The following DHX36 variants were observed in gnomAD, a reference collection of about 807,000 sequenced individuals.
The protein encoded by DHX36 is ATP-dependent DNA/RNA helicase DHX36.
A neutral mutation model predicts 139.0 loss-of-function variants in DHX36; 50 were observed. The observed-to-expected ratio is 0.36, with a 90% CI of 0.29 to 0.46. The LOEUF (loss-of-function observed/expected upper bound fraction) is 0.46, where lower values mean the gene tolerates loss of function less well. DHX36 is among the 20% of genes least tolerant of loss of function. The pLI is 1.00. For synonymous variants in DHX36, 425 were observed against 401.9 expected, an observed-to-expected ratio of 1.06 and a Z score of -0.69; for missense variants, 1,024 against 1,211.3, an observed-to-expected ratio of 0.85 and a Z score of 2.29.
At chr3:154,307,078 A>G (rs138657700) in intron 5 of DHX36, among the ~76,000 whole-genome samples, 321 of 152,268 alleles carry the variant, frequency 2.1e-3, no homozygotes, top group Non-Finnish European at 3.7e-3. Context: ...TTATGACAAA[A>G]GTGGTTTATT....
chr3:154,287,756 G>A (rs951499331), intron 17 of DHX36, among the ~76,000 whole-genome samples: 19 of 152,054 alleles, frequency 1.2e-4, no homozygotes, highest in South Asian at 4.2e-4. Context: ...AATAAAAAGC[G>A]CAGATCAAGA....
In DHX36 at chr3:154,324,482, C is replaced by T; in HGVS notation, c.-66G>A. The T allele has an allele frequency of 7.0e-7, 1 of 1,431,572 alleles. No homozygotes were observed. The allele number at this position is 1,431,572 out of a possible 1,614,324, so 88.7% of individuals were successfully genotyped here. A position where few individuals can be genotyped will look rare whatever the true frequency, so the allele number is the denominator to read the frequency against. Reference sequence around the variant, plus strand: ...GGAAATGGCGTCCGGGCCCGGAAGCCACTGTGCGCCCACTTCCGTTTTGCT... The same window carrying T: ...GGAAATGGCGTCCGGGCCCGGAAGCTACTGTGCGCCCACTTCCGTTTTGCT... On this transcript the variant is annotated 5_prime_UTR_variant, in exon 1 of 25. Coordinates refer to ENST00000496811, the MANE Select transcript of DHX36 (RefSeq NM_020865.3).
intron 12 of DHX36, among the ~76,000 whole-genome samples, chr3:154,297,009 A>T (rs2108348366): frequency 6.6e-6 from 1 of 152,356 alleles, no homozygotes; most frequent in South Asian, 2.1e-4. Flanking sequence ...GTAAGAGAGA[A>T]TCAAATGAAA....
At chr3:154,290,181 T>A (rs1711732562) in intron 15 of DHX36, among the ~76,000 whole-genome samples, 1 of 152,172 alleles carries the variant, frequency 6.6e-6, no homozygotes, top group Admixed American at 6.5e-5. Context: ...TTGTGATCAA[T>A]CTTATTATGT....
At position 154,324,421 on chromosome 3, in the gene DHX36, C is replaced by G; in HGVS notation, c.-5G>C. 1.2e-5 allele frequency: 18 copies of G among 1,503,162 alleles called. No homozygotes were observed. Among genetic ancestry groups the G allele is most frequent in the Non-Finnish European group, 1.5e-5 (17 of 1,126,246 alleles). 93.1% of individuals were successfully genotyped at this position (1,503,162 alleles called of 1,614,324 possible). A position where few individuals can be genotyped will look rare whatever the true frequency, so the allele number is the denominator to read the frequency against. On this transcript the variant is annotated 5_prime_UTR_variant, in exon 1 of 25. Transcript: ENST00000496811. ...CTGATGGTAGTCATAACTCATTGTC[C>G]TGGCAGACTACAACCCGTCAGAACC...
Position 154,309,814 on chromosome 3 carries a change from T to C in DHX36, c.652A>G (p.Asn218Asp), listed in dbSNP as rs760885157. The part of the protein sequence containing the change: ...PSYGMQKELV[N>D]LIDNHQVTVI... ...GTTACCTGATGGTTATCAATTAAAT[T>C]TACCAATTCCTATTTCAAAAGGGAA... is the stretch of plus-strand genomic sequence containing the variant. Residue 218 changes from asparagine (N) to aspartate (D), a missense_variant, in exon 5 of 25, where the codon AAT becomes GAT. This residue lies in a region of DHX36 where 293 missense variants were observed against 274.4 expected (regional missense o/e 1.07). Transcript: ENST00000496811. 16 of 1,594,436 alleles carry C rather than the reference T, an allele frequency of 1.0e-5. No homozygotes were observed. Among genetic ancestry groups the C allele is most frequent in the Non-Finnish European group, 1.3e-5 (15 of 1,172,138 alleles).
At chr3:154,292,021 C>T (rs1489745353) in intron 15 of DHX36, among the ~76,000 whole-genome samples, 3 of 152,180 alleles carry the variant, frequency 2.0e-5, no homozygotes, top group African/African-American at 7.2e-5. Flanking sequence ...CTATAAAATT[C>T]AGTGATTAGG....
chr3:154,290,167 T>C (rs1394926771), intron 15 of DHX36, among the ~76,000 whole-genome samples: 1 of 152,200 alleles, frequency 6.6e-6, no homozygotes, highest in Non-Finnish European at 1.5e-5. Context: ...ACGTCAAGTA[T>C]GCCTTGTGAT....
At position 154,293,829 on chromosome 3, in the gene DHX36, A is replaced by G. The variant is rs1711920756; in HGVS notation, c.1606-17T>C. ...TTTAAACACCTGTAAAAATAAATAC[A>G]TCAGAATCACAAAAGTACACTAACT... is the stretch of plus-strand genomic sequence containing the variant. On this transcript the variant is annotated splice_polypyrimidine_tract_variant and intron_variant, in intron 13 of 24. Transcript: ENST00000496811. 6 of 1,584,834 alleles carry G rather than the reference A, an allele frequency of 3.8e-6. No homozygotes were observed. The highest frequency in any genetic ancestry group is 1.7e-5 in the Admixed American group (1 of 59,702).
intron 17 of DHX36, among the ~76,000 whole-genome samples, chr3:154,286,110 T>G (rs1450192501): frequency 7.8e-6 from 1 of 128,258 alleles, no homozygotes; most frequent in Admixed American, 9.2e-5. Flanking sequence ...AAACTGATTA[T>G]CCATACAAGA....
intron 12 of DHX36, among the ~76,000 whole-genome samples, 161 bp from the exon 13 acceptor site, chr3:154,295,500 A>C (rs1712006346): frequency 1.3e-5 from 2 of 152,210 alleles, no homozygotes; most frequent in Non-Finnish European, 2.9e-5. Flanking sequence ...TGAGTTGACA[A>C]ACTGCCCATG....
intron 15 of DHX36, among the ~76,000 whole-genome samples, chr3:154,290,633 C>CAAAA (rs10706343): frequency 3.9e-5 from 3 of 77,428 alleles, no homozygotes; most frequent in Non-Finnish European, 5.0e-5. Context: ...GACTTCATCT[C>CAAAA]AAAAAAAAAA....
At chr3:154,284,437 T>A (rs569103967) in intron 19 of DHX36, 146 bp downstream of exon 19, 2 of 645,928 alleles carry the variant, frequency 3.1e-6, no homozygotes, top group Admixed American at 6.7e-5. Flanking sequence ...TGCCTCAGCC[T>A]CCCAAAGTGC....
Position 154,293,658 on chromosome 3 carries a change from G to A in DHX36, c.1670+90C>T, listed in dbSNP as rs1253079477. The A allele has an allele frequency of 2.6e-5, 24 of 932,818 alleles. No individual in the cohort carries two copies. In the Admixed American group the frequency reaches 3.4e-4, roughly 13 times the overall value. The allele number at this position is 932,818 out of a possible 1,614,324, so 57.8% of individuals were successfully genotyped here. Reference sequence around the variant, plus strand: ...ATTTTTAATAAATTACAAGGTATATGGTAGAGAAAAAAGATTAAGGTATAT... The same window carrying A: ...ATTTTTAATAAATTACAAGGTATATAGTAGAGAAAAAAGATTAAGGTATAT... On this transcript the variant is annotated intron_variant, in intron 14 of 24. Transcript: ENST00000496811.
At chr3:154,310,809 AT>A (rs61082187) in intron 4 of DHX36, among the ~76,000 whole-genome samples, 7 of 23,120 alleles carry the variant, frequency 3.0e-4, no homozygotes, top group South Asian at 3.2e-3. Flanking sequence ...AAAAAAAAAT[AT>A]ATATATATAT....
intron 17 of DHX36, among the ~76,000 whole-genome samples, chr3:154,288,291 G>T (rs1269110584): frequency 3.3e-5 from 5 of 151,780 alleles, no homozygotes; most frequent in African/African-American, 1.2e-4. Context: ...TTCTGTATGG[G>T]TTCATGTAAA....
At chr3:154,277,521 A>G in intron 23 of DHX36, 77 bp downstream of exon 23, 2 of 1,419,728 alleles carry the variant, frequency 1.4e-6, no homozygotes, top group Non-Finnish European at 1.9e-6. Context: ...TTTGTATATA[A>G]TTGTTAAAAC....
At chr3:154,312,151 A>G (rs1712784961) in intron 3 of DHX36, 1 of 152,238 alleles carries the variant, frequency 6.6e-6, no homozygotes, top group Admixed American at 6.5e-5. Context: ...GCAGTCAGAA[A>G]ATCTGGTACT....
chr3:154,303,496 T>C, intron 8 of DHX36, 86 bp from the exon 9 acceptor site: 1 of 938,772 alleles, frequency 1.1e-6, no homozygotes, highest in Non-Finnish European at 1.6e-6. Context: ...ATGACTCTAT[T>C]ACTTACTATT....
Sources: allele counts gnomAD v4.1 joint callset (sites outside exome capture counted in the v4.1 genomes callset), GRCh38; gene constraint gnomAD v4.1.1; regional missense constraint gnomAD v4.1.1; transcripts MANE v1.5; gene names NCBI Gene and HGNC (gene_info 2026-07-23, HGNC 2026-07-21).